Variants in RAB31 observed in about 807,000 individuals in gnomAD.
RAB31 encodes the protein ras-related protein Rab-31.
In RAB31, 21 loss-of-function variants were observed where a neutral mutation model predicts 25.6. The ratio of observed to expected loss-of-function variants is 0.82; its 90% CI spans 0.58 to 1.18. The LOEUF is 1.18. Among genes scored for constraint, RAB31 ranks in the 50% most tolerant of loss-of-function variants. RAB31 has a pLI of 0.00. For synonymous variants in RAB31, 87 were observed against 84.0 expected (o/e 1.04, Z -0.20); for missense variants, 196 against 250.1 (o/e 0.78, Z 1.46).
chr18:9,843,334 C>T (rs968178844), intron 5 of RAB31, among the ~76,000 whole-genome samples: 1 of 152,038 alleles, frequency 6.6e-6, no homozygotes, highest in Non-Finnish European at 1.5e-5. Context: ...TACTTGAGGC[C>T]AAGAGTTCAA....
rs2068853636 is a variant in RAB31, at chr18:9,862,543, T to A, written c.*3218T>A. Reference sequence around the variant, plus strand: ...CACTGATTCATACTAATAAATATTTTCAGTTTTACCGTTTGTCTTTTTCTT... The same window carrying A: ...CACTGATTCATACTAATAAATATTTACAGTTTTACCGTTTGTCTTTTTCTT... On this transcript the variant is annotated 3_prime_UTR_variant, in exon 7 of 7. Transcript: ENST00000578921. 1 of 152,260 alleles carries A rather than the reference T, an allele frequency of 6.6e-6. No homozygotes were observed. Among genetic ancestry groups the A allele is most frequent in the Admixed American group, 6.5e-5 (1 of 15,292 alleles). 9.4% of individuals were successfully genotyped at this position (152,260 alleles called of 1,614,324 possible). A position where few individuals can be genotyped will look rare whatever the true frequency, so the allele number is the denominator to read the frequency against.
chr18:9,768,476 T>A (rs1018209198), intron 1 of RAB31, among the ~76,000 whole-genome samples: 1 of 152,206 alleles, frequency 6.6e-6, no homozygotes, highest in African/African-American at 2.4e-5. Context: ...TTTCCATATG[T>A]TTTTTGGCCA....
chr18:9,836,877 G>A (rs2068707960), intron 5 of RAB31, among the ~76,000 whole-genome samples: 1 of 150,932 alleles, frequency 6.6e-6, no homozygotes, highest in Non-Finnish European at 1.5e-5. Flanking sequence ...GGCATGGGGT[G>A]AAACACAGGG....
chr18:9,834,187 C>T (rs142177359), intron 5 of RAB31, among the ~76,000 whole-genome samples: 3 of 152,194 alleles, frequency 2.0e-5, no homozygotes, highest in African/African-American at 4.8e-5. Context: ...GTAATCTTGG[C>T]TCCCTGCAAC....
intron 3 of RAB31, among the ~76,000 whole-genome samples, chr18:9,805,366 G>A (rs8087167): frequency 1.3e-5 from 2 of 151,784 alleles, no homozygotes; most frequent in African/African-American, 4.8e-5. Flanking sequence ...TACAAGGGCA[G>A]AATCTTGTTT....
intron 3 of RAB31, among the ~76,000 whole-genome samples, chr18:9,809,846 A>G (rs1369627263): frequency 6.6e-6 from 1 of 152,224 alleles, no homozygotes; most frequent in Non-Finnish European, 1.5e-5. Context: ...CATTTGCAAG[A>G]TTCTTGAAAC....
chr18:9,719,463 A>G (rs957830624), intron 1 of RAB31, among the ~76,000 whole-genome samples: 1 of 150,980 alleles, frequency 6.6e-6, no homozygotes, highest in African/African-American at 2.4e-5. Flanking sequence ...TAATAATGAC[A>G]CATCATTGTA....
At chr18:9,851,250 G>A (rs2068788066) in intron 6 of RAB31, among the ~76,000 whole-genome samples, 1 of 152,190 alleles carries the variant, frequency 6.6e-6, no homozygotes, top group Non-Finnish European at 1.5e-5. Context: ...CTTACACCAA[G>A]AAAGTTAATT....
chr18:9,754,170 A>G (rs2068249235), intron 1 of RAB31, among the ~76,000 whole-genome samples: 1 of 152,232 alleles, frequency 6.6e-6, no homozygotes, highest in African/African-American at 2.4e-5. Flanking sequence ...GTGCTTATGC[A>G]ATAAGGTACT....
intron 5 of RAB31, among the ~76,000 whole-genome samples, chr18:9,836,779 G>GA (rs1306662245): frequency 6.6e-6 from 1 of 151,870 alleles, no homozygotes; most frequent in African/African-American, 2.4e-5. Context: ...CACATGGGTA[G>GA]AGTCAGTGTG....
At chr18:9,755,740 C>A (rs1316680625) in intron 1 of RAB31, among the ~76,000 whole-genome samples, 1 of 152,176 alleles carries the variant, frequency 6.6e-6, no homozygotes, top group Non-Finnish European at 1.5e-5. Flanking sequence ...CATTGTCAGT[C>A]CCAGCCGTCA....
At chr18:9,738,253 A>C (rs990461781) in intron 1 of RAB31, among the ~76,000 whole-genome samples, 2 of 152,150 alleles carry the variant, frequency 1.3e-5, no homozygotes, top group African/African-American at 4.8e-5. Context: ...AACCCTTAGA[A>C]TCTCTGGAGC....
chr18:9,843,606 C>T (rs1301777555), intron 5 of RAB31, among the ~76,000 whole-genome samples: 3 of 150,488 alleles, frequency 2.0e-5, no homozygotes, highest in East Asian at 3.9e-4. Context: ...TGCCAAACTG[C>T]ACAGAGAAAA....
intron 2 of RAB31, among the ~76,000 whole-genome samples, chr18:9,780,245 A>G (rs1367155647): frequency 6.6e-6 from 1 of 151,642 alleles, no homozygotes; most frequent in African/African-American, 2.4e-5. Context: ...TGAAACTAGG[A>G]ATCTTAGTGT....
chr18:9,853,376 A>G (rs935406232), intron 6 of RAB31, among the ~76,000 whole-genome samples: 3 of 152,240 alleles, frequency 2.0e-5, no homozygotes, highest in African/African-American at 7.2e-5. Flanking sequence ...CTATCAAACC[A>G]TAAAAAATGT....
Position 9,815,162 on chromosome 18 carries a change from A to G in RAB31, c.320A>G (p.His107Arg). The G allele has an allele frequency of 5.1e-6, 8 of 1,557,450 alleles. No individual in the cohort carries two copies. Among genetic ancestry groups the G allele is most frequent in the Non-Finnish European group, 6.1e-6 (7 of 1,149,358 alleles). The change falls in exon 5 of 7, where the codon CAT becomes CGT. Residue 107 changes from histidine to arginine, a missense_variant. Physicochemically the swap from His to Arg is conservative, Grantham distance 29 (BLOSUM62 0). Transcript: ENST00000578921. ...LKKWVKELKE[H>R]GPENIVMAIA... ...AAATGGGTCAAGGAGCTGAAAGAAC[A>G]TGGTCCAGAAAACATTGTAATGGCC...
rs768948735 is a variant in RAB31 at position 9,708,462 on chromosome 18, C to G, written c.39+18C>G. The G allele has an allele frequency of 1.3e-6, 2 of 1,552,956 alleles. No individual in the cohort carries two copies. The highest frequency in any genetic ancestry group is 2.3e-5 in the South Asian group (2 of 85,932). Reference sequence around the variant, plus strand: ...TTCTCGGGGTGAGTCCTGGCCGCCACCCGCCGGCGGACCCCGGCCCGCGCT... The same window carrying G: ...TTCTCGGGGTGAGTCCTGGCCGCCAGCCGCCGGCGGACCCCGGCCCGCGCT... On this transcript the variant is annotated intron_variant, in intron 1 of 6. Transcript: ENST00000578921. This position sits in a 1 kb window ranked among gnomAD's most constrained non-coding sequence, Gnocchi z 6.4.
intron 1 of RAB31, among the ~76,000 whole-genome samples, chr18:9,714,173 A>G (rs1183145116): frequency 6.6e-6 from 1 of 152,226 alleles, no homozygotes; most frequent in African/African-American, 2.4e-5. Context: ...GAAACTTTAC[A>G]TTTTAAGATG....
chr18:9,854,911 G>A (rs1426223301), intron 6 of RAB31, among the ~76,000 whole-genome samples: 1 of 152,182 alleles, frequency 6.6e-6, no homozygotes, highest in African/African-American at 2.4e-5. Flanking sequence ...AGAAATGGAT[G>A]TTACACAGCA....
Sources: gnomAD v4.1 joint callset for allele counts (sites outside exome capture counted in the v4.1 genomes callset) on GRCh38, gnomAD v4.1.1 for gene constraint, Gnocchi (gnomAD v3.1) non-coding constraint, MANE v1.5 for transcripts, NCBI Gene and HGNC (gene_info 2026-07-23, HGNC 2026-07-21) for gene names.